Variants in ZCCHC7 observed in about 807,000 individuals in gnomAD.
ZCCHC7 encodes zinc finger CCHC-type containing 7.
ZCCHC7 carries 35 observed loss-of-function variants against 52.0 expected under a neutral mutation model. The ratio of observed to expected loss-of-function variants is 0.67; its 90% CI spans 0.51 to 0.89. The LOEUF (loss-of-function observed/expected upper bound fraction) is 0.89. Among genes scored for constraint, ZCCHC7 ranks in the 40% least tolerant of loss-of-function variants. ZCCHC7 has a pLI of 0.00. For missense variants in ZCCHC7, 574 were observed against 649.1 expected (o/e 0.88, Z 1.26); for synonymous variants, 217 against 221.5 (o/e 0.98, Z 0.18).
At chr9:37,263,851 A>C (rs1408612336) in intron 2 of ZCCHC7, among the ~76,000 whole-genome samples, 3 of 152,226 alleles carry the variant, frequency 2.0e-5, no homozygotes, top group African/African-American at 7.2e-5. Flanking sequence ...AAAATTACTT[A>C]TGAAGCAAAT....
chr9:37,319,638 C>T (rs1317389160), intron 5 of ZCCHC7, among the ~76,000 whole-genome samples: 1 of 152,148 alleles, frequency 6.6e-6, no homozygotes, highest in Non-Finnish European at 1.5e-5. Context: ...GTTGCCCAGG[C>T]TGGTCTTGAA....
At chr9:37,127,078 T>C (rs1337183164) in intron 2 of ZCCHC7, 136 bp downstream of exon 2, 2 of 1,038,144 alleles carry the variant, frequency 1.9e-6, no homozygotes, top group Non-Finnish European at 2.8e-6. Context: ...TTGTTTCTCA[T>C]GCGACTCTCT....
chr9:37,344,106 A>AGT (rs1820805272), intron 6 of ZCCHC7, among the ~76,000 whole-genome samples: 3 of 152,184 alleles, frequency 2.0e-5, no homozygotes, highest in Admixed American at 2.0e-4. Context: ...TGAGCCCAGG[A>AGT]GTTCGAGACC....
intron 5 of ZCCHC7, chr9:37,326,808 AT>A (rs1830262269): frequency 6.6e-6 from 1 of 152,062 alleles, no homozygotes; most frequent in African/African-American, 2.4e-5. Context: ...AATTACAAAG[AT>A]TTCAGAAAGT....
intron 2 of ZCCHC7, among the ~76,000 whole-genome samples, chr9:37,182,983 T>A (rs1384021261): frequency 6.6e-6 from 1 of 152,124 alleles, no homozygotes; most frequent in Admixed American, 6.5e-5. Flanking sequence ...GGCACCATAG[T>A]GAGACCCCCA....
intron 2 of ZCCHC7, among the ~76,000 whole-genome samples, chr9:37,134,784 A>G (rs1842931108): frequency 6.6e-6 from 1 of 152,142 alleles, no homozygotes; most frequent in African/African-American, 2.4e-5. Context: ...GGAGTGCAAC[A>G]GTGCAGTCTC....
chr9:37,212,818 T>A (rs1236817511), intron 2 of ZCCHC7, among the ~76,000 whole-genome samples: 4 of 152,240 alleles, frequency 2.6e-5, no homozygotes, highest in African/African-American at 9.6e-5. Context: ...ATACACCTTC[T>A]GAATCCTTCT....
intron 2 of ZCCHC7, among the ~76,000 whole-genome samples, chr9:37,241,147 T>C (rs559321041): frequency 7.2e-5 from 11 of 151,960 alleles, no homozygotes; most frequent in African/African-American, 2.4e-4. Context: ...TTTTTTATTT[T>C]GATGTTTATT....
At chr9:37,139,721 C>T (rs1159716102) in intron 2 of ZCCHC7, among the ~76,000 whole-genome samples, 3 of 151,844 alleles carry the variant, frequency 2.0e-5, no homozygotes, top group Non-Finnish European at 4.4e-5. Context: ...CTCGCTTTTG[C>T]TTAAATATAC....
At chr9:37,293,514 C>CA in intron 2 of ZCCHC7, among the ~76,000 whole-genome samples, 1 of 152,164 alleles carries the variant, frequency 6.6e-6, no homozygotes, top group East Asian at 1.9e-4. Flanking sequence ...TTATGCTTGT[C>CA]ATTTTACAGA....
intron 2 of ZCCHC7, among the ~76,000 whole-genome samples, chr9:37,133,093 C>G (rs553543240): frequency 2.0e-5 from 3 of 152,250 alleles, no homozygotes; most frequent in Admixed American, 1.3e-4. Context: ...GAGATCGTGC[C>G]ACTGCATTCT....
intron 2 of ZCCHC7, among the ~76,000 whole-genome samples, chr9:37,279,953 G>A (rs1000465890): frequency 4.6e-5 from 7 of 151,912 alleles, no homozygotes; most frequent in Admixed American, 3.3e-4. Flanking sequence ...AGGAGATCGA[G>A]GCCATCCTGG....
intron 8 of ZCCHC7, 49 bp from the exon 9 acceptor site, chr9:37,356,786 A>T (rs373972242): frequency 6.6e-7 from 1 of 1,511,812 alleles, no homozygotes. Context: ...AAAGCTCAGC[A>T]TGGACTGTTT....
chr9:37,286,858 TCCCTCCCTCCCC>T (rs1828242111), intron 2 of ZCCHC7, among the ~76,000 whole-genome samples: 1 of 5,506 alleles, frequency 1.8e-4, no homozygotes, highest in Non-Finnish European at 3.1e-4. Context: ...CCCCCTTCCC[TCCCTCCCTCCCC>T]CCCTCCCCCT....
rs1564181930 is a variant in ZCCHC7 at position 37,212,042 on chromosome 9, A to AAG, written c.610+85101_610+85102insGA. 1.7e-4 allele frequency among the ~76,000 whole-genome samples: 14 copies of AAG among 82,854 alleles called. 1 individual carries two copies. Among genetic ancestry groups the AAG allele is most frequent in the African/African-American group, 3.8e-4 (8 of 21,326 alleles). The allele number at this position is 82,854 out of a possible 152,430, so 54.4% of individuals were successfully genotyped here. On this transcript the variant is annotated intron_variant, in intron 2 of 8. Transcript: ENST00000336755. ...ACTCCGTCTCAAAAAAAAAAAAAAAAAAAAAAAAAAAAAAAAAAAAAAAGA... is the reference window on the plus strand; with the variant it reads ...ACTCCGTCTCAAAAAAAAAAAAAAAAAGAAAAAAAAAAAAAAAAAAAAAAAGA...
chr9:37,229,087 G>C (rs1186070803), intron 2 of ZCCHC7, among the ~76,000 whole-genome samples: 1 of 151,884 alleles, frequency 6.6e-6, no homozygotes, highest in Admixed American at 6.6e-5. Context: ...TGCCCTCCTT[G>C]GCCTCCCAAA....
chr9:37,209,188 C>T (rs1434088169), intron 2 of ZCCHC7, among the ~76,000 whole-genome samples: 1 of 152,042 alleles, frequency 6.6e-6, no homozygotes, highest in African/African-American at 2.4e-5. Flanking sequence ...CTACAGGCGC[C>T]CACAACCACG....
intron 2 of ZCCHC7, among the ~76,000 whole-genome samples, chr9:37,261,564 A>T (rs568935442): frequency 1.3e-4 from 20 of 152,326 alleles, no homozygotes; most frequent in African/African-American, 4.8e-4. Flanking sequence ...TTGTGTTCTC[A>T]GGGTGGCCTG....
chr9:37,141,497 A>G (rs1843224817), intron 2 of ZCCHC7, among the ~76,000 whole-genome samples: 1 of 151,962 alleles, frequency 6.6e-6, no homozygotes, highest in South Asian at 2.1e-4. Flanking sequence ...TGAGAAGCTG[A>G]AAAGATATGT....
Sources: gnomAD v4.1 joint callset for allele counts (sites outside exome capture counted in the v4.1 genomes callset) on GRCh38, gnomAD v4.1.1 for gene constraint, MANE v1.5 for transcripts, NCBI Gene and HGNC (gene_info 2026-07-23, HGNC 2026-07-21) for gene names.